Variants in TANGO6 observed in about 807,000 individuals in gnomAD.
TANGO6 encodes the protein transport and Golgi organization protein 6 homolog.
A neutral mutation model predicts 114.2 loss-of-function variants in TANGO6; 90 were observed. The ratio of observed to expected loss-of-function variants is 0.79; its 90% confidence interval spans 0.66 to 0.94. The LOEUF (loss-of-function observed/expected upper bound fraction) is 0.94. Among genes scored for constraint, TANGO6 ranks in the 40% least tolerant of loss-of-function variants. The pLI is 0.00. For synonymous variants in TANGO6, 477 were observed against 509.8 expected (o/e 0.94, Z 0.87); for missense variants, 1,274 against 1,315.3 (o/e 0.97, Z 0.49).
At chr16:68,985,714 A>G (rs1963882609) in intron 15 of TANGO6, among the ~76,000 whole-genome samples, 1 of 152,226 alleles carries the variant, frequency 6.6e-6, no homozygotes, top group Non-Finnish European at 1.5e-5. Flanking sequence ...CCCTGTCTCA[A>G]AAAACACATT....
At chr16:69,013,479 T>C (rs251106) in intron 15 of TANGO6, among the ~76,000 whole-genome samples, 58,598 of 151,686 alleles carry the variant, frequency 0.39, 13,162 homozygotes, top group East Asian at 0.54. Flanking sequence ...CAGCTGGGCG[T>C]GGTGGCATGC....
At chr16:68,866,572 G>A (rs1156908583) in intron 3 of TANGO6, among the ~76,000 whole-genome samples, 4 of 150,318 alleles carry the variant, frequency 2.7e-5, no homozygotes, top group East Asian at 2.0e-4. Flanking sequence ...GCAGTGAGCC[G>A]AGATTGCGCC....
intron 16 of TANGO6, among the ~76,000 whole-genome samples, chr16:69,023,308 C>G (rs1000803792): frequency 2.1e-4 from 32 of 151,810 alleles, no homozygotes; most frequent in African/African-American, 7.7e-4. Flanking sequence ...ATACAAAAAT[C>G]AGCTGGGCGT....
chr16:68,909,378 G>C lies in TANGO6; in HGVS notation c.1968G>C (p.Glu656Asp). The change falls in exon 11 of 18, where the codon GAG becomes GAC. Residue 656 changes from glutamate (E) to aspartate (D), a missense_variant. Transcript: ENST00000261778. ...LMAVLCERMSEQIFTNVTQVV... is the reference protein window; with the variant it reads ...LMAVLCERMSDQIFTNVTQVV... ...CTGTTCTGTGCGAGAGAATGTCTGA[G>C]CAGATATTCACAAACGTCACTCAGG... 1 of 1,554,960 alleles carries C rather than the reference G, an allele frequency of 6.4e-7. No homozygotes were observed. The highest frequency in any genetic ancestry group is 8.7e-7 in the Non-Finnish European group (1 of 1,146,766).
chr16:68,940,154 C>CCTTCCTTCCTTT (rs1963337671), intron 14 of TANGO6, among the ~76,000 whole-genome samples: 1 of 138,988 alleles, frequency 7.2e-6, no homozygotes, highest in African/African-American at 2.7e-5. Flanking sequence ...TTTTGTTTTT[C>CCTTCCTTCCTTT]CTTCCTTCCT....
intron 11 of TANGO6, among the ~76,000 whole-genome samples, chr16:68,914,084 AT>A (rs1962965707): frequency 6.6e-6 from 1 of 152,210 alleles, no homozygotes; most frequent in Admixed American, 6.5e-5. Flanking sequence ...AGACGCCCCC[AT>A]AGGACTACTG....
Position 69,056,997 on chromosome 16 carries a change from C to CTTTTTTTTT in TANGO6, c.3108+16597_3108+16605dup, listed in dbSNP as rs71148961. 4.8e-4 allele frequency among the ~76,000 whole-genome samples: 29 copies of CTTTTTTTTT among 59,864 alleles called. 1 individual carries two copies. The highest frequency in any genetic ancestry group is 8.8e-4 in the African/African-American group (13 of 14,768). The allele number at this position is 59,864 out of a possible 152,430, so 39.3% of individuals were successfully genotyped here. A position where few individuals can be genotyped will look rare whatever the true frequency, so the allele number is the denominator to read the frequency against. ...GCCCAGCCTTGAATGGCCTGATTTT[C>CTTTTTTTTT]TTTTTTTTTTTTTTTTTTTTTTTTT... On this transcript the variant is annotated intron_variant, in intron 17 of 17. Transcript: ENST00000261778.
chr16:68,855,216 T>A (rs559492184), intron 1 of TANGO6, among the ~76,000 whole-genome samples: 2 of 151,488 alleles, frequency 1.3e-5, no homozygotes, highest in South Asian at 2.1e-4. Context: ...CAAAAAAAAA[T>A]AAAACATAAA....
chr16:69,061,684 G>A (rs1960118096), intron 17 of TANGO6, among the ~76,000 whole-genome samples: 1 of 152,116 alleles, frequency 6.6e-6, no homozygotes, highest in Non-Finnish European at 1.5e-5. Context: ...TCCCAGCCAA[G>A]GAGGAAACTG....
At chr16:68,987,164 T>TG (rs921733428) in intron 15 of TANGO6, among the ~76,000 whole-genome samples, 2 of 74,202 alleles carry the variant, frequency 2.7e-5, no homozygotes, top group African/African-American at 1.9e-4. Flanking sequence ...TTCTATTTTT[T>TG]TTCTATGATA....
At chr16:68,978,111 A>G (rs1374347100) in intron 15 of TANGO6, among the ~76,000 whole-genome samples, 1 of 152,174 alleles carries the variant, frequency 6.6e-6, no homozygotes, top group African/African-American at 2.4e-5. Context: ...TCATTCTCTC[A>G]TAGTAGGTGT....
intron 17 of TANGO6, among the ~76,000 whole-genome samples, chr16:69,062,902 G>A (rs1960145969): frequency 6.6e-6 from 1 of 151,146 alleles, no homozygotes; most frequent in Non-Finnish European, 1.5e-5. Context: ...AGACCAGCAT[G>A]GCCAAATGGT....
At chr16:68,949,344 G>C (rs1269286806) in intron 14 of TANGO6, among the ~76,000 whole-genome samples, 2 of 152,068 alleles carry the variant, frequency 1.3e-5, no homozygotes, top group Non-Finnish European at 2.9e-5. Flanking sequence ...ACCTTGGCCA[G>C]GCATGATGGC....
At chr16:68,966,917 A>G (rs943643464) in intron 14 of TANGO6, among the ~76,000 whole-genome samples, 1 of 151,852 alleles carries the variant, frequency 6.6e-6, no homozygotes, top group Non-Finnish European at 1.5e-5. Context: ...GAATACACGT[A>G]TGCACCACCA....
intron 15 of TANGO6, among the ~76,000 whole-genome samples, chr16:69,020,917 T>TGTGTGC (rs968667122): frequency 4.0e-5 from 6 of 150,014 alleles, no homozygotes; most frequent in Non-Finnish European, 7.4e-5. Flanking sequence ...TGTGTGTGTG[T>TGTGTGC]GTGTGTGTGT....
chr16:68,878,517 CTCTT>C (rs1419032775), intron 6 of TANGO6, among the ~76,000 whole-genome samples: 1 of 152,126 alleles, frequency 6.6e-6, no homozygotes, highest in Non-Finnish European at 1.5e-5. Context: ...TTATCTTTCT[CTCTT>C]TCTATACATA....
chr16:68,914,239 G>T (rs1343001854), intron 11 of TANGO6, among the ~76,000 whole-genome samples: 2 of 152,152 alleles, frequency 1.3e-5, no homozygotes, highest in Non-Finnish European at 2.9e-5. Flanking sequence ...TCGGCTTACC[G>T]CAACCTCTGC....
At chr16:68,962,967 G>A (rs141147496) in intron 14 of TANGO6, among the ~76,000 whole-genome samples, 17 of 150,088 alleles carry the variant, frequency 1.1e-4, no homozygotes, top group Non-Finnish European at 1.9e-4. Context: ...GGTGGCGGGC[G>A]CCCGTAGTCC....
chr16:68,871,623 A>T (rs997703749), intron 4 of TANGO6, among the ~76,000 whole-genome samples: 15 of 150,972 alleles, frequency 9.9e-5, no homozygotes, highest in Non-Finnish European at 5.9e-5. Context: ...TGTCTTTAAA[A>T]TTTTTTTTTC....
Sources: allele counts gnomAD v4.1 joint callset (sites outside exome capture counted in the v4.1 genomes callset), GRCh38; gene constraint gnomAD v4.1.1; transcripts MANE v1.5; gene names NCBI Gene and HGNC (gene_info 2026-07-23, HGNC 2026-07-21).